USP16: variants seen among roughly 807,000 people sequenced by gnomAD.
USP16 encodes ubiquitin specific peptidase 16.
USP16 carries 77 observed loss-of-function variants against 95.9 expected under a neutral mutation model. The observed-to-expected ratio is 0.80, with a 90% confidence interval of 0.67 to 0.97. USP16 has a LOEUF of 0.97. Ranked by LOEUF, USP16 falls within the 50% of genes least tolerant of loss-of-function variation. The pLI, the probability that USP16 is intolerant of heterozygous loss-of-function variation, is 0.00. For synonymous variants in USP16, 303 were observed against 318.2 expected, an observed-to-expected ratio of 0.95 and a Z score of 0.51; for missense variants, 943 against 959.9, an observed-to-expected ratio of 0.98 and a Z score of 0.23.
chr21:29,030,157 CAAAG>C (rs907492076), intron 2 of USP16, among the ~76,000 whole-genome samples: 1 of 151,980 alleles, frequency 6.6e-6, no homozygotes, highest in African/African-American at 2.4e-5. Flanking sequence ...GTGAGCTACT[CAAAG>C]AAAACAGCTG....
intron 2 of USP16, among the ~76,000 whole-genome samples, chr21:29,028,241 A>G (rs1242897348): frequency 2.7e-5 from 4 of 147,300 alleles, no homozygotes; most frequent in African/African-American, 1.0e-4. Flanking sequence ...CTCGTGCCTC[A>G]GCCTCTGAGT....
intron 8 of USP16, 135 bp from the exon 9 acceptor site, chr21:29,039,346 T>A: frequency 8.8e-7 from 1 of 1,141,862 alleles, no homozygotes; most frequent in East Asian, 2.6e-5. Flanking sequence ...CTCCCAAGGG[T>A]GTTAATGGAC....
At position 29,046,878 on chromosome 21, in the gene USP16, A is replaced by T; in HGVS notation, c.1568A>T (p.Glu523Val). Residue 523 changes from glutamate (E) to valine (V), a missense_variant, in exon 14 of 18, where the codon GAA becomes GTA. Glu to Val is a moderately radical substitution (Grantham distance 121, BLOSUM62 -2). Transcript: ENST00000399976. ...TTGAATGGCCAAGCAAAAATGATCG[A>T]AAGTGTAACTGACAATCAAAAATCC... ...KDLNGQAKMI[E>V]SVTDNQKSTE... is the part of the protein sequence containing the mutation. The T allele has an allele frequency of 6.2e-7, 1 of 1,614,184 alleles. No homozygotes were observed. Among genetic ancestry groups the T allele is most frequent in the East Asian group, 2.2e-5 (1 of 44,870 alleles).
Position 29,030,624 on chromosome 21 carries a change from T to C in USP16, c.91T>C (p.Leu31=), listed in dbSNP as rs756386941. 5 of 1,611,120 alleles carry C rather than the reference T, an allele frequency of 3.1e-6. No homozygotes were observed. Among genetic ancestry groups the C allele is most frequent in the Non-Finnish European group, 4.2e-6 (5 of 1,179,014 alleles). ...EPVCRHIRKG[L]EQGNLKKALV... ...TGTGTGCAGACACATTAGAAAAGGATTGGAACAAGGTAATTTGAAAAAGGC... is the reference window on the plus strand; with the variant it reads ...TGTGTGCAGACACATTAGAAAAGGACTGGAACAAGGTAATTTGAAAAAGGC... Residue 31 remains leucine (L), a synonymous_variant, in exon 3 of 18, where the codon TTG becomes CTG. Transcript: ENST00000399976.
chr21:29,025,977 A>G (rs1257884859), intron 1 of USP16, among the ~76,000 whole-genome samples: 1 of 152,260 alleles, frequency 6.6e-6, no homozygotes, highest in Admixed American at 6.5e-5. Context: ...TAAGGGGACA[A>G]GATGACTAGA....
chr21:29,037,940 C>T (rs1032268901), intron 6 of USP16, among the ~76,000 whole-genome samples: 2 of 152,302 alleles, frequency 1.3e-5, no homozygotes, highest in Admixed American at 6.5e-5. Flanking sequence ...TTGGTGAGCA[C>T]TCGGGTGCAG....
chr21:29,027,909 C>T lies in USP16; in HGVS notation c.-5C>T, dbSNP rs770904745. ...GTGTCAGTAAGTAATCCATAAAGTGCCAACATGGGAAAGAAACGGACAAAG... is the reference window on the plus strand; with the variant it reads ...GTGTCAGTAAGTAATCCATAAAGTGTCAACATGGGAAAGAAACGGACAAAG... On this transcript the variant is annotated 5_prime_UTR_variant, in exon 2 of 18. Transcript: ENST00000399976. 1 of 1,613,004 alleles carries T rather than the reference C, an allele frequency of 6.2e-7. No individual in the cohort carries two copies. The highest frequency in any genetic ancestry group is 1.3e-5 in the African/African-American group (1 of 74,772).
In USP16 at chr21:29,042,023, G is replaced by A. The variant is rs1395949678; in HGVS notation, c.1041G>A (p.Lys347=). 6.2e-6 allele frequency: 10 copies of A among 1,612,662 alleles called. No homozygotes were observed. The highest frequency in any genetic ancestry group is 1.1e-5 in the South Asian group (1 of 91,002). ...TTTTTTTCTCCATAGATTATGAGAA[G>A]AAAAAATCAATGCCAAGTTTTGTTG... ...ELKNKVKDYE[K]KKSMPSFVDR... is the part of the protein sequence containing the mutation. Residue 347 remains lysine, a synonymous_variant, in exon 11 of 18, where the codon AAG becomes AAA. Transcript: ENST00000399976.
At chr21:29,033,009 T>TA (rs1300893691) in intron 3 of USP16, among the ~76,000 whole-genome samples, 2 of 152,194 alleles carry the variant, frequency 1.3e-5, no homozygotes, top group South Asian at 2.1e-4. Flanking sequence ...TGTGGTCAGT[T>TA]AAAAAAATCT....
At chr21:29,027,068 G>A (rs954609867) in intron 1 of USP16, among the ~76,000 whole-genome samples, 7 of 152,156 alleles carry the variant, frequency 4.6e-5, no homozygotes, top group Non-Finnish European at 1.0e-4. Context: ...TGGATTGGAG[G>A]CAAGAACTTG....
At position 29,037,500 on chromosome 21, in the gene USP16, CT is replaced by C. The variant is rs753757001; in HGVS notation, c.636+41del. On this transcript the variant is annotated intron_variant, in intron 6 of 17. Coordinates refer to ENST00000399976, the MANE Select transcript of USP16 (RefSeq NM_006447.3). Reference sequence around the variant, plus strand: ...TTTTTTTCCCTTTAAAAAAGCTGTCCTTTTCCTCATAGAATCTGCTACTTAC... The same window carrying C: ...TTTTTTTCCCTTTAAAAAAGCTGTCCTTTCCTCATAGAATCTGCTACTTAC... The C allele has an allele frequency of 2.1e-6, 3 of 1,449,526 alleles. No individual in the cohort carries two copies. In the South Asian group the frequency reaches 4.7e-5, roughly 23 times the overall value. 89.8% of individuals were successfully genotyped at this position (1,449,526 alleles called of 1,614,324 possible).
chr21:29,031,173 G>A (rs1349893900), intron 3 of USP16, among the ~76,000 whole-genome samples: 2 of 152,162 alleles, frequency 1.3e-5, no homozygotes, highest in Non-Finnish European at 2.9e-5. Context: ...GATTCCTGGG[G>A]ATGGATGGAC....
chr21:29,024,899 C>T (rs970022385), intron 1 of USP16, 122 bp downstream of exon 1: 3 of 1,051,812 alleles, frequency 2.9e-6, no homozygotes, highest in Non-Finnish European at 3.7e-6. Flanking sequence ...AGCACGTAAC[C>T]CGGCTACTTT....
chr21:29,048,193 C>T (rs1228742087), intron 14 of USP16, among the ~76,000 whole-genome samples: 2 of 151,632 alleles, frequency 1.3e-5, no homozygotes, highest in Non-Finnish European at 2.9e-5. Flanking sequence ...AGAGATTCTC[C>T]TGCCTCAGCC....
At chr21:29,040,523 T>C in intron 9 of USP16, 86 bp from the exon 10 acceptor site, 1 of 476,028 alleles carries the variant, frequency 2.1e-6, no homozygotes, top group Non-Finnish European at 3.4e-6. Context: ...TGTATCCTGA[T>C]CACTTTCTTG....
In USP16 at chr21:29,039,639, C is replaced by T. The variant is rs148081936; in HGVS notation, c.951+71C>T. ...GCTTTCTGTCTCATTTGATATCTTA[C>T]GAGTTAAAACAATGAAAGCTAGTTA... is the stretch of plus-strand genomic sequence containing the variant. On this transcript the variant is annotated intron_variant, in intron 9 of 17. Coordinates refer to ENST00000399976, the MANE Select transcript of USP16 (RefSeq NM_006447.3). 366 of 1,412,480 alleles carry T rather than the reference C, an allele frequency of 2.6e-4. 2 individuals are homozygous for T. The African/African-American group carries it at 4.4e-3, about 17-fold the overall frequency. 87.5% of individuals were successfully genotyped at this position (1,412,480 alleles called of 1,614,324 possible).
At chr21:29,050,505 G>A (rs746375177) in intron 16 of USP16, among the ~76,000 whole-genome samples, 3 of 152,090 alleles carry the variant, frequency 2.0e-5, no homozygotes, top group Non-Finnish European at 4.4e-5. Flanking sequence ...GGTCAGGAGT[G>A]GTATACACTT....
At position 29,035,027 on chromosome 21, in the gene USP16, A is replaced by G. The variant is rs1453691416; in HGVS notation, c.344+87A>G. 2.3e-6 allele frequency: 3 copies of G among 1,309,022 alleles called. No homozygotes were observed. In the African/African-American group the frequency reaches 4.4e-5, roughly 19 times the overall value. 81.1% of individuals were successfully genotyped at this position (1,309,022 alleles called of 1,614,324 possible). ...GTTTAAATATGTTTAAGAAGAAAGC[A>G]ATTTAAAATTTTTGTAGTATGTTTT... On this transcript the variant is annotated intron_variant, in intron 4 of 17. Transcript: ENST00000399976.
intron 13 of USP16, among the ~76,000 whole-genome samples, chr21:29,046,094 G>A (rs1221937893): frequency 6.6e-6 from 1 of 152,080 alleles, no homozygotes; most frequent in African/African-American, 2.4e-5. Context: ...AAAGTGCTGG[G>A]GTTACAGGTG....
Sources: allele counts gnomAD v4.1 joint callset (sites outside exome capture counted in the v4.1 genomes callset), GRCh38; gene constraint gnomAD v4.1.1; transcripts MANE v1.5; gene names NCBI Gene and HGNC (gene_info 2026-07-23, HGNC 2026-07-21).